The following ZNF532 variants were observed in gnomAD, a reference collection of about 807,000 sequenced individuals.
The protein encoded by ZNF532 is zinc finger protein 532.
A neutral mutation model predicts 89.3 loss-of-function variants in ZNF532; 22 were observed. That is an observed-to-expected ratio of 0.25 (90% CI 0.18 to 0.35). The LOEUF is 0.35. ZNF532 is among the 10% of genes least tolerant of loss of function. The probability of loss-of-function intolerance (pLI) is 1.00; values close to 1 mark genes in which losing one functional copy is unlikely to be tolerated. For synonymous variants in ZNF532, 606 were observed against 649.6 expected (o/e 0.93, Z 1.02); for missense variants, 1,132 against 1,643.4 (o/e 0.69, Z 5.38).
intron 2 of ZNF532, among the ~76,000 whole-genome samples, chr18:58,905,403 C>T (rs1013361612): frequency 5.7e-5 from 8 of 139,350 alleles, no homozygotes; most frequent in Admixed American, 2.2e-4. Flanking sequence ...TTTTTTCTTT[C>T]TTTTTTTTTT....
chr18:58,873,159 C>T (rs185108008), intron 2 of ZNF532, among the ~76,000 whole-genome samples: 227 of 145,090 alleles, frequency 1.6e-3, no homozygotes, highest in South Asian at 2.5e-3. Context: ...TAGGTGGGAC[C>T]ACAGGCACAT....
intron 3 of ZNF532, among the ~76,000 whole-genome samples, chr18:58,921,232 A>G (rs1353220427): frequency 6.6e-6 from 1 of 152,190 alleles, no homozygotes; most frequent in East Asian, 1.9e-4. Context: ...TGGAATGTAT[A>G]TTGAAAGTCT....
intron 2 of ZNF532, among the ~76,000 whole-genome samples, chr18:58,881,371 G>A (rs2057912436): frequency 6.6e-6 from 1 of 152,070 alleles, no homozygotes; most frequent in African/African-American, 2.4e-5. Flanking sequence ...CCTGACCTCA[G>A]CTGATCCTGC....
At chr18:58,980,645 T>C (rs185721655) in intron 8 of ZNF532, 1 of 152,336 alleles carries the variant, frequency 6.6e-6, no homozygotes, top group East Asian at 1.9e-4. Flanking sequence ...CATTACCTCT[T>C]TTTTTTCTTT....
In ZNF532 at chr18:58,953,902, T is replaced by G; in HGVS notation, c.3150+103T>G. The G allele has an allele frequency of 2.0e-6, 3 of 1,483,248 alleles. No individual in the cohort carries two copies. The Admixed American group carries it at 7.4e-5, about 37-fold the overall frequency. The allele number at this position is 1,483,248 out of a possible 1,614,324, so 91.9% of individuals were successfully genotyped here. On this transcript the variant is annotated intron_variant, in intron 7 of 9. Coordinates refer to ENST00000591808, the MANE Select transcript of ZNF532 (RefSeq NM_001375912.1). ...TTGGCTTGGCTCTATCAGTAATTAG[T>G]GCTGTGACCTTAAAAATCACTTGGT...
intron 7 of ZNF532, among the ~76,000 whole-genome samples, chr18:58,963,246 C>T (rs1301946133): frequency 6.6e-6 from 1 of 152,148 alleles, no homozygotes; most frequent in Non-Finnish European, 1.5e-5. Flanking sequence ...TGTTTCTGTT[C>T]CTAAAGCCTT....
chr18:58,893,045 G>A lies in ZNF532; in HGVS notation c.-17-25226G>A, dbSNP rs528998758. On this transcript the variant is annotated intron_variant, in intron 2 of 9. Coordinates refer to ENST00000591808, the MANE Select transcript of ZNF532 (RefSeq NM_001375912.1). ...CACCCAGGCTGGAGTGCAATGGCGC[G>A]ATTTCAGCTCACTGCAGCCTCACCC... is the stretch of plus-strand genomic sequence containing the variant. 4.0e-5 allele frequency among the ~76,000 whole-genome samples: 6 copies of A among 149,314 alleles called. No individual in the cohort carries two copies. In the East Asian group the frequency reaches 6.0e-4, roughly 15 times the overall value.
rs959666573 is a variant in ZNF532, at chr18:58,916,822, T to C, written c.-17-1449T>C. The C allele has an allele frequency of 7.1e-6, 5 of 700,976 alleles. No homozygotes were observed. The Admixed American group carries it at 2.5e-4, about 35-fold the overall frequency. The allele number at this position is 700,976 out of a possible 1,614,324, so 43.4% of individuals were successfully genotyped here. On this transcript the variant is annotated intron_variant, in intron 2 of 9. Transcript: ENST00000591808. ...GTGTATTCTCACTGAGTAGAAATTC[T>C]CTCTTGACCCTGGAATAGTTACTTT... is the stretch of plus-strand genomic sequence containing the variant.
At chr18:58,973,243 C>T (rs1360913434) in intron 7 of ZNF532, among the ~76,000 whole-genome samples, 2 of 152,212 alleles carry the variant, frequency 1.3e-5, no homozygotes, top group Non-Finnish European at 2.9e-5. Flanking sequence ...GCTGGGATTA[C>T]AGGCATGCAC....
upstream of ZNF532, chr18:58,862,959 C>A (rs562329234): frequency 1.3e-5 from 2 of 152,314 alleles, no homozygotes; most frequent in East Asian, 3.9e-4. Flanking sequence ...GAAAAGGGCT[C>A]CAAACCACTA....
At chr18:58,933,291 G>GA (rs1239766351) in intron 3 of ZNF532, among the ~76,000 whole-genome samples, 1 of 152,066 alleles carries the variant, frequency 6.6e-6, no homozygotes, top group East Asian at 1.9e-4. Flanking sequence ...CCTTTCAGGA[G>GA]AAAATCAAGA....
intron 2 of ZNF532, among the ~76,000 whole-genome samples, chr18:58,914,367 A>G (rs750054627): frequency 1.3e-5 from 2 of 152,252 alleles, no homozygotes; most frequent in African/African-American, 2.4e-5. Flanking sequence ...TAGGTCATTT[A>G]TATAGGGTTT....
Position 58,966,836 on chromosome 18 carries a change from A to G in ZNF532, c.3151-12219A>G, listed in dbSNP as rs2065973771. Reference sequence around the variant, plus strand: ...GGTCAGATGTCTGTCTGTTGGAGGCATTTTTCTGTAAACTCACCCGAGGTT... The same window carrying G: ...GGTCAGATGTCTGTCTGTTGGAGGCGTTTTTCTGTAAACTCACCCGAGGTT... On this transcript the variant is annotated intron_variant, in intron 7 of 9. Coordinates refer to ENST00000591808, the MANE Select transcript of ZNF532 (RefSeq NM_001375912.1). Among the ~76,000 whole-genome samples, 4 of 146,598 alleles carry G rather than the reference A, an allele frequency of 2.7e-5. No homozygotes were observed. In the South Asian group the frequency reaches 8.5e-4, roughly 31 times the overall value.
intron 2 of ZNF532, among the ~76,000 whole-genome samples, chr18:58,870,094 T>A (rs1485519671): frequency 8.5e-5 from 11 of 128,810 alleles, no homozygotes; most frequent in African/African-American, 3.4e-4. Flanking sequence ...TTTTTTTTTT[T>A]AAGGATAAAA....
chr18:58,980,715 TCACCCTACCCTC>T (rs1389625348), intron 8 of ZNF532: 1 of 152,324 alleles, frequency 6.6e-6, no homozygotes, highest in East Asian at 1.9e-4. Flanking sequence ...TGATCTCGGC[TCACCCTACCCTC>T]CACCTCCTGG....
At chr18:58,951,126 T>C (rs1016792954) in intron 6 of ZNF532, among the ~76,000 whole-genome samples, 1 of 152,048 alleles carries the variant, frequency 6.6e-6, no homozygotes, top group African/African-American at 2.4e-5. Context: ...TGGCCGATTT[T>C]TGTATTTTGT....
intron 6 of ZNF532, among the ~76,000 whole-genome samples, chr18:58,949,431 G>T (rs1440378808): frequency 6.6e-6 from 1 of 152,142 alleles, no homozygotes; most frequent in East Asian, 1.9e-4. Flanking sequence ...GGGCACGGTG[G>T]CTTACACCTG....
At chr18:58,939,233 C>G (rs1355191054) in intron 4 of ZNF532, among the ~76,000 whole-genome samples, 1 of 88,774 alleles carries the variant, frequency 1.1e-5, no homozygotes, top group African/African-American at 4.4e-5. Context: ...GGCGACAGAG[C>G]GAGACGTTGT....
chr18:58,972,204 T>C (rs2066538701), intron 7 of ZNF532, among the ~76,000 whole-genome samples: 1 of 152,116 alleles, frequency 6.6e-6, no homozygotes, highest in Non-Finnish European at 1.5e-5. Context: ...GTCTCAAAAA[T>C]ACAAACAAGA....
Sources: gnomAD v4.1 joint callset for allele counts (sites outside exome capture counted in the v4.1 genomes callset) on GRCh38, gnomAD v4.1.1 for gene constraint, MANE v1.5 for transcripts, NCBI Gene and HGNC (gene_info 2026-07-23, HGNC 2026-07-21) for gene names.